STX17: variants seen among roughly 807,000 people sequenced by gnomAD.
The protein encoded by STX17 is syntaxin 17.
Under a neutral mutation model 35.9 loss-of-function variants are expected in STX17, and 29 were observed. That is an observed-to-expected ratio of 0.81 (90% CI 0.60 to 1.10). The LOEUF (loss-of-function observed/expected upper bound fraction) is 1.10, where lower values mean the gene tolerates loss of function less well. Among genes scored for constraint, STX17 ranks in the 50% least tolerant of loss-of-function variants. The pLI, the probability that STX17 is intolerant of heterozygous loss-of-function variation, is 0.00. For synonymous variants in STX17, 92 were observed against 118.3 expected, an observed-to-expected ratio of 0.78 and a Z score of 1.44; for missense variants, 312 against 352.3, an observed-to-expected ratio of 0.89 and a Z score of 0.92.
At chr9:99,954,780 A>G (rs1472023558) in intron 4 of STX17, among the ~76,000 whole-genome samples, 1 of 152,114 alleles carries the variant, frequency 6.6e-6, no homozygotes, top group Non-Finnish European at 1.5e-5. Flanking sequence ...CAATGTTGCC[A>G]CATTTCCATG....
At chr9:99,908,089 T>G (rs1828586542) in intron 1 of STX17, among the ~76,000 whole-genome samples, 1 of 152,234 alleles carries the variant, frequency 6.6e-6, no homozygotes, top group Admixed American at 6.5e-5. Context: ...TTATACATTT[T>G]TGTTAAGAAC....
intron 3 of STX17, among the ~76,000 whole-genome samples, chr9:99,938,779 C>T (rs949452470): frequency 5.9e-5 from 7 of 119,200 alleles, no homozygotes; most frequent in Non-Finnish European, 1.1e-4. Flanking sequence ...AGTGTGAGAC[C>T]TTGTCTGGAA....
chr9:99,959,368 CTG>C (rs1829781717), intron 4 of STX17, among the ~76,000 whole-genome samples: 1 of 148,040 alleles, frequency 6.8e-6, no homozygotes, highest in African/African-American at 2.5e-5. Context: ...CATAGCAAGA[CTG>C]TGTGTCAATT....
intron 4 of STX17, among the ~76,000 whole-genome samples, chr9:99,957,656 G>GTTT (rs139402328): frequency 2.2e-5 from 3 of 133,844 alleles, no homozygotes; most frequent in Non-Finnish European, 4.8e-5. Flanking sequence ...TATTGTTTTT[G>GTTT]TTTTTTTTTT....
chr9:99,932,301 G>T (rs899416279), intron 3 of STX17, among the ~76,000 whole-genome samples: 5 of 152,072 alleles, frequency 3.3e-5, no homozygotes, highest in Non-Finnish European at 5.9e-5. Flanking sequence ...GGGTTACAGA[G>T]GTCCAAGAAA....
chr9:99,942,966 C>A (rs1829396599), intron 3 of STX17, among the ~76,000 whole-genome samples: 1 of 152,148 alleles, frequency 6.6e-6, no homozygotes, highest in South Asian at 2.1e-4. Context: ...AGGAAGTTCT[C>A]CTACTTCCTT....
At chr9:99,962,979 C>CACT (rs1231076988) in intron 6 of STX17, among the ~76,000 whole-genome samples, 3 of 152,134 alleles carry the variant, frequency 2.0e-5, no homozygotes, top group Non-Finnish European at 4.4e-5. Flanking sequence ...ATTTAAGGAA[C>CACT]ACTTTCTATC....
At position 99,906,664 on chromosome 9, in the gene STX17, C is replaced by T. The variant is rs965519532; in HGVS notation, c.-105C>T. 3 of 151,912 alleles carry T rather than the reference C, an allele frequency of 2.0e-5. No individual in the cohort carries two copies. The highest frequency in any genetic ancestry group is 4.4e-5 in the Non-Finnish European group (3 of 67,918). 9.4% of individuals were successfully genotyped at this position (151,912 alleles called of 1,614,324 possible). On this transcript the variant is annotated 5_prime_UTR_variant, in exon 1 of 8. Coordinates refer to ENST00000259400, the MANE Select transcript of STX17 (RefSeq NM_017919.3). ...ATGCCCCGCCCCGTCGCTCCTGCGCCTGCGCCGTGCCCACCGACCGGCCTC... is the reference window on the plus strand; with the variant it reads ...ATGCCCCGCCCCGTCGCTCCTGCGCTTGCGCCGTGCCCACCGACCGGCCTC...
At chr9:99,917,195 T>C (rs1828793896) in intron 2 of STX17, among the ~76,000 whole-genome samples, 2 of 152,252 alleles carry the variant, frequency 1.3e-5, no homozygotes, top group South Asian at 2.1e-4. Flanking sequence ...AATTTTATAC[T>C]GATCTAGGTT....
chr9:99,942,221 A>G (rs1172338370), intron 3 of STX17, among the ~76,000 whole-genome samples: 1 of 152,146 alleles, frequency 6.6e-6, no homozygotes, highest in Non-Finnish European at 1.5e-5. Context: ...TATTCATGAG[A>G]TTAATTTTTC....
intron 3 of STX17, among the ~76,000 whole-genome samples, chr9:99,934,419 C>G (rs1829184459): frequency 6.6e-6 from 1 of 152,044 alleles, no homozygotes; most frequent in African/African-American, 2.4e-5. Context: ...TTGATTTTTA[C>G]TCTTTTTGGT....
At chr9:99,936,200 C>T (rs1269772994) in intron 3 of STX17, among the ~76,000 whole-genome samples, 1 of 152,108 alleles carries the variant, frequency 6.6e-6, no homozygotes, top group East Asian at 1.9e-4. Flanking sequence ...TTTGTGTGGA[C>T]AAAGGATTTC....
intron 3 of STX17, among the ~76,000 whole-genome samples, chr9:99,937,169 C>A (rs180874553): frequency 3.7e-4 from 56 of 152,158 alleles, no homozygotes; most frequent in African/African-American, 1.2e-3. Context: ...TCATTTCTCT[C>A]GCTTCTTTTA....
At chr9:99,915,545 T>C (rs1042133743) in intron 2 of STX17, among the ~76,000 whole-genome samples, 183 bp downstream of exon 2, 2 of 152,204 alleles carry the variant, frequency 1.3e-5, no homozygotes, top group Non-Finnish European at 2.9e-5. Flanking sequence ...ACCTCTCATA[T>C]ATTCCTTTTT....
rs971050792 is a variant in STX17 at position 99,974,498 on chromosome 9, A to G, written c.*5825A>G. ...TATTACATTGCTGAGTGGTGCTTGAATAAGGAAACATGCAATAAATTTACT... is the reference window on the plus strand; with the variant it reads ...TATTACATTGCTGAGTGGTGCTTGAGTAAGGAAACATGCAATAAATTTACT... On this transcript the variant is annotated 3_prime_UTR_variant, in exon 8 of 8. Coordinates refer to ENST00000259400, the MANE Select transcript of STX17 (RefSeq NM_017919.3). Among the ~76,000 whole-genome samples, 4 of 152,224 alleles carry G rather than the reference A, an allele frequency of 2.6e-5. No homozygotes were observed. Among genetic ancestry groups the G allele is most frequent in the East Asian group, 1.9e-4 (1 of 5,198 alleles).
chr9:99,945,915 C>G (rs1299858534), intron 3 of STX17: 2 of 161,814 alleles, frequency 1.2e-5, no homozygotes, highest in Non-Finnish European at 2.7e-5. Flanking sequence ...AACCCCATCT[C>G]TACTAAAATA....
chr9:99,952,413 C>G (rs1203097972), intron 4 of STX17, among the ~76,000 whole-genome samples: 1 of 152,106 alleles, frequency 6.6e-6, no homozygotes, highest in Non-Finnish European at 1.5e-5. Context: ...GAAATAAGAA[C>G]ACTTTTACAC....
intron 1 of STX17, 161 bp downstream of exon 1, chr9:99,906,867 C>G (rs927198328): frequency 6.6e-6 from 1 of 152,280 alleles, no homozygotes; most frequent in Non-Finnish European, 1.5e-5. Flanking sequence ...TCAGAAGTGG[C>G]GGAGCCTCGC....
chr9:99,939,452 T>G (rs1333563158), intron 3 of STX17, among the ~76,000 whole-genome samples: 1 of 152,196 alleles, frequency 6.6e-6, no homozygotes, highest in Non-Finnish European at 1.5e-5. Flanking sequence ...CATCGTCAGT[T>G]GTAAGACACA....
Sources: allele counts gnomAD v4.1 joint callset (sites outside exome capture counted in the v4.1 genomes callset), GRCh38; gene constraint gnomAD v4.1.1; transcripts MANE v1.5; gene names NCBI Gene and HGNC (gene_info 2026-07-23, HGNC 2026-07-21).